RERE: variants seen among roughly 807,000 people sequenced by gnomAD.
RERE encodes the protein arginine-glutamic acid dipeptide repeats protein.
RERE carries 40 observed loss-of-function variants against 146.1 expected under a neutral mutation model. The observed-to-expected ratio is 0.27, with a 90% CI of 0.21 to 0.36. RERE has a LOEUF of 0.36. Ranked by LOEUF, RERE falls within the 10% of genes least tolerant of loss-of-function variation. The probability of loss-of-function intolerance (pLI) is 1.00; values close to 1 mark genes in which losing one functional copy is unlikely to be tolerated. For missense variants in RERE, 1,933 were observed against 2,138.7 expected (o/e 0.90, Z 1.90); for synonymous variants, 1,003 against 866.0 (o/e 1.16, Z -2.78).
chr1:8,613,741 T>C (rs1370440884), intron 4 of RERE, among the ~76,000 whole-genome samples: 1 of 152,172 alleles, frequency 6.6e-6, no homozygotes, highest in Non-Finnish European at 1.5e-5. Flanking sequence ...TCAATGTAAC[T>C]GCAACTACAC....
At chr1:8,361,987 T>A (rs1014335198) in intron 16 of RERE, 111 bp from the exon 17 acceptor site, 5 of 735,916 alleles carry the variant, frequency 6.8e-6, no homozygotes, top group Non-Finnish European at 1.1e-5. Flanking sequence ...CTGAGTTCCA[T>A]CTCCAGGAGC....
intron 12 of RERE, among the ~76,000 whole-genome samples, chr1:8,401,461 A>G (rs1643261864): frequency 6.6e-6 from 1 of 151,894 alleles, no homozygotes; most frequent in African/African-American, 2.4e-5. Flanking sequence ...AAATAAACAA[A>G]TAAATATCGG....
At chr1:8,604,272 T>C (rs1378801336) in intron 4 of RERE, among the ~76,000 whole-genome samples, 5 of 152,146 alleles carry the variant, frequency 3.3e-5, no homozygotes, top group African/African-American at 4.8e-5. Flanking sequence ...TTTAACTACC[T>C]CCATGATCTG....
chr1:8,432,856 T>C (rs13313011), intron 11 of RERE, among the ~76,000 whole-genome samples: 1,758 of 152,322 alleles, frequency 0.012, 42 homozygotes, highest in African/African-American at 0.04. Flanking sequence ...GTAAATCATA[T>C]TTTAAAATGG....
chr1:8,601,716 C>G (rs1216325143), intron 4 of RERE, among the ~76,000 whole-genome samples: 1 of 132,892 alleles, frequency 7.5e-6, no homozygotes, highest in African/African-American at 2.9e-5. Flanking sequence ...TTAATCCCAA[C>G]TGCCATCATG....
At chr1:8,784,477 T>C (rs576896091) in intron 1 of RERE, among the ~76,000 whole-genome samples, 211 of 152,316 alleles carry the variant, frequency 1.4e-3, no homozygotes, top group African/African-American at 5.0e-3. Context: ...TTTTTCTCTT[T>C]TGTTCACTGG....
chr1:8,480,490 C>T (rs1253749162), intron 10 of RERE, among the ~76,000 whole-genome samples: 2 of 148,380 alleles, frequency 1.3e-5, no homozygotes, highest in African/African-American at 5.0e-5. Context: ...GGCTGGAGTA[C>T]AGTGGCATGA....
At chr1:8,739,421 GGCA>G (rs1424729653) in intron 1 of RERE, among the ~76,000 whole-genome samples, 2 of 152,084 alleles carry the variant, frequency 1.3e-5, no homozygotes, top group Non-Finnish European at 2.9e-5. Context: ...CTGCTACCTG[GGCA>G]GCAGGAGAGC....
chr1:8,665,583 G>T (rs1570583619), intron 1 of RERE, among the ~76,000 whole-genome samples: 1 of 152,192 alleles, frequency 6.6e-6, no homozygotes, highest in South Asian at 2.1e-4. Context: ...CAAAGAGAAG[G>T]CGAAAGACAG....
At chr1:8,552,904 C>T (rs1645954243) in intron 6 of RERE, among the ~76,000 whole-genome samples, 1 of 150,772 alleles carries the variant, frequency 6.6e-6, no homozygotes. Flanking sequence ...AAAACTGCAC[C>T]ACTAGGCCAG....
chr1:8,666,415 T>G (rs1638574641), intron 1 of RERE, among the ~76,000 whole-genome samples: 1 of 152,228 alleles, frequency 6.6e-6, no homozygotes, highest in Admixed American at 6.5e-5. Flanking sequence ...CATGAACATC[T>G]TACTCTGCTA....
chr1:8,779,250 G>A (rs760194815), intron 1 of RERE, among the ~76,000 whole-genome samples: 3 of 151,642 alleles, frequency 2.0e-5, no homozygotes, highest in East Asian at 2.0e-4. Context: ...AGTTCCATCC[G>A]GGCGCAGTGG....
chr1:8,745,981 C>T (rs1287255192), intron 1 of RERE, among the ~76,000 whole-genome samples: 2 of 152,154 alleles, frequency 1.3e-5, no homozygotes, highest in African/African-American at 4.8e-5. Context: ...AGCAGGATTG[C>T]TTGAACCCAG....
At chr1:8,379,296 G>A (rs1054328121) in intron 12 of RERE, among the ~76,000 whole-genome samples, 1 of 152,134 alleles carries the variant, frequency 6.6e-6, no homozygotes, top group Non-Finnish European at 1.5e-5. Context: ...GGCTGGGCCC[G>A]CCCCGCACAG....
At position 8,559,296 on chromosome 1, in the gene RERE, A is replaced by AC. The variant is rs1218775327; in HGVS notation, c.523-1774_523-1773insG. On this transcript the variant is annotated intron_variant, in intron 4 of 22. Transcript: ENST00000400908. ...ACTCCAGCTCAAAAAAAAAAAAAAA[A>AC]AAAAAAAACAGAACAAAACAAAACA... Among the ~76,000 whole-genome samples, 4 of 144,824 alleles carry AC rather than the reference A, an allele frequency of 2.8e-5. No individual in the cohort carries two copies. The East Asian group carries it at 8.4e-4, about 30-fold the overall frequency.
intron 12 of RERE, among the ~76,000 whole-genome samples, chr1:8,417,851 G>A (rs1290889533): frequency 2.0e-5 from 3 of 152,146 alleles, no homozygotes; most frequent in Non-Finnish European, 4.4e-5. Context: ...TACTTGCTGG[G>A]CACGTTTTAC....
chr1:8,652,868 G>A (rs1249064867), intron 2 of RERE, among the ~76,000 whole-genome samples: 1 of 152,044 alleles, frequency 6.6e-6, no homozygotes, highest in Non-Finnish European at 1.5e-5. Context: ...AGTTCACCAC[G>A]CCCAGCTAAT....
chr1:8,724,131 AT>A (rs1639912892), intron 1 of RERE, among the ~76,000 whole-genome samples: 1 of 152,226 alleles, frequency 6.6e-6, no homozygotes, highest in African/African-American at 2.4e-5. Flanking sequence ...AAATGATGTC[AT>A]TTATATCATG....
chr1:8,749,189 C>T (rs1439588517), intron 1 of RERE, among the ~76,000 whole-genome samples: 4 of 152,028 alleles, frequency 2.6e-5, no homozygotes, highest in African/African-American at 9.7e-5. Context: ...GAGGTGCCAG[C>T]GCTCCTAACC....
Sources: allele counts gnomAD v4.1 joint callset (sites outside exome capture counted in the v4.1 genomes callset), GRCh38; gene constraint gnomAD v4.1.1; transcripts MANE v1.5; gene names NCBI Gene and HGNC (gene_info 2026-07-23, HGNC 2026-07-21).